The following TAOK3 variants were observed in gnomAD, a reference collection of about 807,000 sequenced individuals.
TAOK3 encodes TAO kinase 3, also known as serine/threonine-protein kinase TAO3.
TAOK3 carries 40 observed loss-of-function variants against 120.4 expected under a neutral mutation model. The observed-to-expected ratio is 0.33, with a 90% CI of 0.26 to 0.43. The LOEUF is 0.43. Among genes scored for constraint, TAOK3 ranks in the 20% least tolerant of loss-of-function variants. TAOK3 has a pLI of 1.00. For missense variants in TAOK3, 821 were observed against 1,112.1 expected, an observed-to-expected ratio of 0.74 and a Z score of 3.72; for synonymous variants, 355 against 387.5, an observed-to-expected ratio of 0.92 and a Z score of 0.99.
chr12:118,203,441 C>T (rs1044316854), intron 11 of TAOK3, among the ~76,000 whole-genome samples: 20 of 152,234 alleles, frequency 1.3e-4, no homozygotes, highest in Middle Eastern at 6.8e-3. Context: ...CGCGGTGGCT[C>T]ACGCCTATAA....
intron 17 of TAOK3, among the ~76,000 whole-genome samples, chr12:118,168,537 A>G (rs186765542): frequency 7.2e-5 from 11 of 152,262 alleles, no homozygotes; most frequent in Admixed American, 6.5e-4. Flanking sequence ...ACTTAGCTTT[A>G]TGTGTTTCTG....
At chr12:118,354,149 C>T (rs1461982010) in intron 1 of TAOK3, among the ~76,000 whole-genome samples, 2 of 152,084 alleles carry the variant, frequency 1.3e-5, no homozygotes, top group South Asian at 2.1e-4. Context: ...TTTATGAAAC[C>T]ATAGATAGTA....
intron 19 of TAOK3, among the ~76,000 whole-genome samples, chr12:118,154,869 A>G (rs2034700313): frequency 6.6e-6 from 1 of 152,214 alleles, no homozygotes. Flanking sequence ...ATTCCCCCCA[A>G]GATGGGTTCA....
At chr12:118,182,011 C>G (rs1276810432) in intron 14 of TAOK3, among the ~76,000 whole-genome samples, 1 of 151,976 alleles carries the variant, frequency 6.6e-6, no homozygotes, top group Non-Finnish European at 1.5e-5. Context: ...ATGGTAAAAC[C>G]CCGTCTCTAC....
At chr12:118,350,660 A>C (rs1366348813) in intron 1 of TAOK3, among the ~76,000 whole-genome samples, 3 of 151,180 alleles carry the variant, frequency 2.0e-5, no homozygotes, top group Non-Finnish European at 4.4e-5. Context: ...GGAGTTCGAG[A>C]CCAGCTTGGC....
At chr12:118,197,799 T>C (rs923539199) in intron 13 of TAOK3, among the ~76,000 whole-genome samples, 2 of 146,374 alleles carry the variant, frequency 1.4e-5, no homozygotes, top group Non-Finnish European at 3.0e-5. Flanking sequence ...GCCATTCTCC[T>C]GCCTCAGCCT....
intron 1 of TAOK3, 130 bp from the exon 2 acceptor site, chr12:118,266,889 G>A (rs1379990534): frequency 5.5e-6 from 2 of 362,018 alleles, no homozygotes; most frequent in Admixed American, 9.2e-5. Flanking sequence ...ATCTGTTTGT[G>A]GATGGCAAAG....
chr12:118,305,626 TG>T, intron 1 of TAOK3, among the ~76,000 whole-genome samples: 1 of 152,272 alleles, frequency 6.6e-6, no homozygotes, highest in South Asian at 2.1e-4. Context: ...AGTTGGCGGC[TG>T]GGCGTGGTGG....
At chr12:118,157,541 G>A (rs554328211) in intron 19 of TAOK3, among the ~76,000 whole-genome samples, 29 of 152,244 alleles carry the variant, frequency 1.9e-4, no homozygotes, top group African/African-American at 7.0e-4. Flanking sequence ...TCATGTGTAG[G>A]TTCCTCAGCC....
At chr12:118,362,131 TACTA>T (rs1469560113) in intron 1 of TAOK3, among the ~76,000 whole-genome samples, 2 of 152,086 alleles carry the variant, frequency 1.3e-5, no homozygotes, top group African/African-American at 4.8e-5. Flanking sequence ...ATTGTGCAAC[TACTA>T]ACTGCTAGGC....
intron 1 of TAOK3, among the ~76,000 whole-genome samples, chr12:118,303,006 C>T (rs2042932111): frequency 6.6e-6 from 1 of 152,092 alleles, no homozygotes; most frequent in Non-Finnish European, 1.5e-5. Context: ...AAACACCCAC[C>T]CAAACAATCA....
At chr12:118,257,294 T>C (rs995423948) in intron 2 of TAOK3, among the ~76,000 whole-genome samples, 7 of 152,214 alleles carry the variant, frequency 4.6e-5, no homozygotes, top group Admixed American at 4.6e-4. Context: ...CTAGGTTAAA[T>C]GCCCATGTAA....
intron 5 of TAOK3, among the ~76,000 whole-genome samples, chr12:118,241,327 T>A (rs1205414057): frequency 6.6e-6 from 1 of 152,084 alleles, no homozygotes; most frequent in Non-Finnish European, 1.5e-5. Flanking sequence ...AGCCTTTATG[T>A]GCCCTACTTT....
At chr12:118,245,012 C>T in intron 3 of TAOK3, 47 bp from the exon 4 acceptor site, 1 of 1,316,186 alleles carries the variant, frequency 7.6e-7, no homozygotes, top group Non-Finnish European at 1.1e-6. Context: ...AGTGATGTTT[C>T]AGCCAATTTA....
At chr12:118,281,799 C>T (rs2042108420) in intron 1 of TAOK3, among the ~76,000 whole-genome samples, 1 of 151,602 alleles carries the variant, frequency 6.6e-6, no homozygotes, top group Non-Finnish European at 1.5e-5. Flanking sequence ...GCAAATTTGT[C>T]ACGTAGTAAT....
intron 1 of TAOK3, among the ~76,000 whole-genome samples, chr12:118,281,844 G>C (rs1593399958): frequency 6.6e-6 from 1 of 152,094 alleles, no homozygotes; most frequent in East Asian, 1.9e-4. Context: ...TTAGTAATAA[G>C]AGAGAGACAG....
intron 17 of TAOK3, among the ~76,000 whole-genome samples, chr12:118,169,728 T>C (rs2035875320): frequency 6.6e-6 from 1 of 151,974 alleles, no homozygotes; most frequent in African/African-American, 2.4e-5. Flanking sequence ...TTCTCTCATA[T>C]CTTTTTTTTT....
chr12:118,320,386 A>G (rs1240167972), intron 1 of TAOK3, among the ~76,000 whole-genome samples: 1 of 152,022 alleles, frequency 6.6e-6, no homozygotes, highest in African/African-American at 2.4e-5. Context: ...AGCCCCAGGT[A>G]TTTGAGACAA....
intron 17 of TAOK3, among the ~76,000 whole-genome samples, chr12:118,169,604 C>G (rs1835849571): frequency 1.3e-5 from 2 of 152,128 alleles, no homozygotes; most frequent in African/African-American, 4.8e-5. Context: ...AGCCAGCATG[C>G]CCGGCCTGAG....
Sources: gnomAD v4.1 joint callset for allele counts (sites outside exome capture counted in the v4.1 genomes callset) on GRCh38, gnomAD v4.1.1 for gene constraint, MANE v1.5 for transcripts, NCBI Gene and HGNC (gene_info 2026-07-23, HGNC 2026-07-21) for gene names.